The following CAST variants were observed in gnomAD, a reference collection of about 807,000 sequenced individuals.
CAST encodes the protein MIR583 host.
A neutral mutation model predicts 119.6 loss-of-function variants in CAST; 76 were observed. The ratio of observed to expected loss-of-function variants is 0.64; its 90% CI spans 0.53 to 0.77. The LOEUF is 0.77. CAST is among the 30% of genes least tolerant of loss of function. CAST has a pLI of 0.00. For synonymous variants in CAST, 319 were observed against 331.6 expected (o/e 0.96, Z 0.41); for missense variants, 953 against 946.5 (o/e 1.01, Z -0.09).
chr5:96,767,755 T>A (rs1770522163), intron 28 of CAST, 152 bp from the exon 29 acceptor site: 3 of 622,444 alleles, frequency 4.8e-6, no homozygotes, highest in African/African-American at 1.8e-5. Flanking sequence ...TGTTTTTCTA[T>A]CTCCTTTACA....
chr5:96,121,712 A>G, the CAST span, among the ~76,000 whole-genome samples: 4 of 152,096 alleles, frequency 2.6e-5, no homozygotes, highest in African/African-American at 9.7e-5. Flanking sequence ...GATTCCCAGG[A>G]TAGGAAAATT....
At chr5:96,006,242 G>A in the CAST span, among the ~76,000 whole-genome samples, 1 of 152,088 alleles carries the variant, frequency 6.6e-6, no homozygotes, top group African/African-American at 2.4e-5. Flanking sequence ...ATCTGGCTAG[G>A]CCACATCTTC....
the CAST span, among the ~76,000 whole-genome samples, chr5:96,483,404 T>C: frequency 2.0e-5 from 3 of 152,172 alleles, no homozygotes; most frequent in African/African-American, 7.2e-5. Context: ...ACTTTGTACC[T>C]AGTAAGTTCT....
the CAST span, chr5:96,425,955 A>G: frequency 7.2e-7 from 1 of 1,382,452 alleles, no homozygotes; most frequent in Non-Finnish European, 1.0e-6. Flanking sequence ...ATAGCAAGAA[A>G]ATCAAAAGTC....
chr5:96,102,132 C>T, the CAST span, among the ~76,000 whole-genome samples: 7 of 152,282 alleles, frequency 4.6e-5, no homozygotes, highest in South Asian at 1.5e-3. Flanking sequence ...GGGCAAAGGG[C>T]CAGTGTGACA....
chr5:96,157,731 A>T, the CAST span, among the ~76,000 whole-genome samples: 2 of 152,232 alleles, frequency 1.3e-5, no homozygotes, highest in Admixed American at 6.5e-5. Flanking sequence ...GCATTATTTT[A>T]AAAATCTTTG....
the CAST span, among the ~76,000 whole-genome samples, chr5:96,510,350 C>T: frequency 6.6e-6 from 1 of 152,160 alleles, no homozygotes; most frequent in African/African-American, 2.4e-5. Context: ...TCAGTAAATA[C>T]AATTCACCCA....
chr5:96,701,133 G>T (rs923965044), intron 3 of CAST, among the ~76,000 whole-genome samples: 7 of 152,028 alleles, frequency 4.6e-5, no homozygotes, highest in African/African-American at 7.2e-5. Flanking sequence ...TCACCATGTT[G>T]CCCAGGCTGG....
the CAST span, among the ~76,000 whole-genome samples, chr5:96,260,891 G>A: frequency 1.3e-5 from 2 of 152,214 alleles, no homozygotes; most frequent in Admixed American, 6.5e-5. Context: ...AAAGCTGTGA[G>A]TGAATAATAT....
At chr5:96,296,556 G>C in the CAST span, among the ~76,000 whole-genome samples, 1 of 152,142 alleles carries the variant, frequency 6.6e-6, no homozygotes, top group Non-Finnish European at 1.5e-5. Context: ...TCAGATTATA[G>C]AGGATAGGTC....
chr5:96,685,586 A>G (rs962236058), intron 2 of CAST, among the ~76,000 whole-genome samples: 3 of 152,218 alleles, frequency 2.0e-5, no homozygotes, highest in African/African-American at 7.2e-5. Context: ...TTTATTTTCA[A>G]GTATCATTAT....
chr5:96,406,048 G>A, the CAST span, among the ~76,000 whole-genome samples: 5 of 152,116 alleles, frequency 3.3e-5, no homozygotes, highest in Non-Finnish European at 7.3e-5. Flanking sequence ...TTTTCTTCCA[G>A]TCCAGACCCC....
At chr5:96,256,230 CAT>C in the CAST span, among the ~76,000 whole-genome samples, 12 of 147,416 alleles carry the variant, frequency 8.1e-5, no homozygotes, top group East Asian at 5.9e-4. Flanking sequence ...ATTATATAAA[CAT>C]ATAATTTATA....
chr5:96,001,226 A>G, the CAST span, among the ~76,000 whole-genome samples: 266 of 152,352 alleles, frequency 1.7e-3, no homozygotes, highest in Admixed American at 3.6e-3. Context: ...CAAAGGTAAG[A>G]AAAAGATACC....
the CAST span, among the ~76,000 whole-genome samples, chr5:96,147,113 A>G: frequency 6.6e-6 from 1 of 152,196 alleles, no homozygotes; most frequent in Non-Finnish European, 1.5e-5. Flanking sequence ...GGAAGTGGAA[A>G]GAGTTTCATG....
At chr5:96,330,512 T>G in the CAST span, among the ~76,000 whole-genome samples, 7 of 152,198 alleles carry the variant, frequency 4.6e-5, no homozygotes, top group Admixed American at 3.9e-4. Context: ...GCTCGTCGTT[T>G]TATTATTACT....
rs548897817 is a variant in CAST, at chr5:96,573,651, G to A, written c.60+43771G>A. On this transcript the variant is annotated intron_variant, in intron 1 of 11. Transcript: ENST00000505143. ...CAACACCCTGTCTCAAAAAAAAAAT[G>A]ACATGCACAGATCATAAATGCACAG... 1.4e-4 allele frequency among the ~76,000 whole-genome samples: 20 copies of A among 144,516 alleles called. No individual in the cohort carries two copies. The South Asian group carries it at 4.3e-3, about 31-fold the overall frequency. 94.8% of individuals were successfully genotyped at this position (144,516 alleles called of 152,430 possible).
Position 96,740,754 on chromosome 5 carries a change from G to T in CAST, c.889G>T (p.Gly297Trp). The change falls in exon 13 of 32, where the codon GGG becomes TGG. Residue 297 changes from glycine (G) to tryptophan (W), a missense_variant. Transcript: ENST00000675179. The part of the protein sequence containing the change: ...KYRELLAKKE[G>W]ITGPPADSSK... The stretch of plus-strand genomic sequence containing the variant: ...TTAATATTTGTTTCAGAAAAAGGAA[G>T]GGATCACAGGGCCTCCTGCAGACTC... 1 of 1,597,900 alleles carries T rather than the reference G, an allele frequency of 6.3e-7. No individual in the cohort carries two copies. Among genetic ancestry groups the T allele is most frequent in the South Asian group, 1.1e-5 (1 of 90,784 alleles).
the CAST span, among the ~76,000 whole-genome samples, chr5:96,365,966 CAG>C: frequency 6.6e-6 from 1 of 152,082 alleles, no homozygotes; most frequent in Non-Finnish European, 1.5e-5. Flanking sequence ...TGGCTGGTAC[CAG>C]TTGTTCCTTT....
Sources: gnomAD v4.1 joint callset for allele counts (sites outside exome capture counted in the v4.1 genomes callset) on GRCh38, gnomAD v4.1.1 for gene constraint, MANE v1.5 for transcripts, NCBI Gene and HGNC (gene_info 2026-07-23, HGNC 2026-07-21) for gene names.